VGLL4: variants seen among roughly 807,000 people sequenced by gnomAD.
VGLL4 encodes the protein vestigial like family member 4, also known as transcription cofactor vestigial-like protein 4.
A neutral mutation model predicts 21.0 loss-of-function variants in VGLL4; 7 were observed. The ratio of observed to expected loss-of-function variants is 0.33; its 90% CI spans 0.19 to 0.63. The LOEUF is 0.63. Among genes scored for constraint, VGLL4 ranks in the 20% least tolerant of loss-of-function variants. VGLL4 has a pLI of 0.78. For synonymous variants in VGLL4, 222 were observed against 173.2 expected, an observed-to-expected ratio of 1.28 and a Z score of -2.21; for missense variants, 394 against 425.7, an observed-to-expected ratio of 0.93 and a Z score of 0.66.
At chr3:11,585,620 A>ATT (rs1559880847) in intron 2 of VGLL4, among the ~76,000 whole-genome samples, 1 of 152,210 alleles carries the variant, frequency 6.6e-6, no homozygotes, top group Non-Finnish European at 1.5e-5. Context: ...AAGATACTGG[A>ATT]TTTTTTAAAA....
chr3:11,620,231 T>C (rs1389499762), intron 1 of VGLL4, among the ~76,000 whole-genome samples: 2 of 152,094 alleles, frequency 1.3e-5, no homozygotes, highest in African/African-American at 2.4e-5. Context: ...CAGCTAGAAA[T>C]AGGAAAGACT....
chr3:11,558,798 C>G lies in VGLL4; in HGVS notation c.649G>C (p.Glu217Gln). The stretch of plus-strand genomic sequence containing the variant: ...TTGCCCAGGCTCCTGCGGAAATGCT[C>G]CTCCACCACGGGGTCACAGGTGGTG... Reference protein sequence around the residue: ...AATTCDPVVEEHFRRSLGKNY... With the variant: ...AATTCDPVVEQHFRRSLGKNY... The change falls in exon 5 of 5, where the codon GAG becomes CAG. Residue 217 changes from glutamate to glutamine, a missense_variant. Glu to Gln is a conservative substitution (Grantham distance 29). Coordinates refer to ENST00000430365, the MANE Select transcript of VGLL4 (RefSeq NM_001128219.3). 1 of 1,613,622 alleles carries G rather than the reference C, an allele frequency of 6.2e-7. No homozygotes were observed. Among genetic ancestry groups the G allele is most frequent in the Non-Finnish European group, 8.5e-7 (1 of 1,179,786 alleles).
chr3:11,694,089 A>T (rs531239886), intron 2 of VGLL4, among the ~76,000 whole-genome samples: 1 of 152,194 alleles, frequency 6.6e-6, no homozygotes, highest in African/African-American at 2.4e-5. Context: ...AAATGGGACT[A>T]ATTATAGTAC....
chr3:11,716,589 T>C (rs576825934), intron 1 of VGLL4, among the ~76,000 whole-genome samples: 4 of 152,308 alleles, frequency 2.6e-5, no homozygotes, highest in African/African-American at 9.6e-5. Flanking sequence ...GGATCGACTA[T>C]ATCTGGCTAT....
At chr3:11,583,908 G>A (rs2074301369) in intron 2 of VGLL4, among the ~76,000 whole-genome samples, 1 of 152,226 alleles carries the variant, frequency 6.6e-6, no homozygotes, top group African/African-American at 2.4e-5. Flanking sequence ...GACTGACGAA[G>A]TGATGACACA....
At chr3:11,713,164 GCTAA>G (rs1307432449) in intron 1 of VGLL4, among the ~76,000 whole-genome samples, 3 of 152,190 alleles carry the variant, frequency 2.0e-5, no homozygotes, top group Non-Finnish European at 4.4e-5. Flanking sequence ...AGCTCCAACG[GCTAA>G]CTGTTAAGGT....
At position 11,635,050 on chromosome 3, in the gene VGLL4, TA is replaced by T. The variant is rs564440543; in HGVS notation, c.82+8386del. ...TCAGTATTGCATGGCATAAAGAGAC[TA>T]AGGTAAAGACTAAAAAAGACTGAAC... On this transcript the variant is annotated intron_variant, in intron 1 of 4. Coordinates refer to ENST00000430365, the MANE Select transcript of VGLL4 (RefSeq NM_001128219.3). Among the ~76,000 whole-genome samples the T allele has an allele frequency of 3.2e-3, 486 of 152,286 alleles. 2 individuals carry two copies. The highest frequency in any genetic ancestry group is 0.011 in the African/African-American group (469 of 41,560).
chr3:11,641,472 G>T lies in VGLL4; in HGVS notation c.82+1965C>A, dbSNP rs373984822. The stretch of plus-strand genomic sequence containing the variant: ...CCAACTTTTCCTACAAAAAAATCCC[G>T]TGTGTGATTTATGCCCATCTTCAAA... On this transcript the variant is annotated intron_variant, in intron 1 of 4. Transcript: ENST00000430365. 6.4e-4 allele frequency among the ~76,000 whole-genome samples: 98 copies of T among 152,144 alleles called. 1 individual carries two copies. The South Asian group carries it at 0.018, about 28-fold the overall frequency.
chr3:11,651,149 C>A (rs897549214), intron 2 of VGLL4, among the ~76,000 whole-genome samples: 1 of 151,960 alleles, frequency 6.6e-6, no homozygotes, highest in African/African-American at 2.4e-5. Flanking sequence ...TCGGGACCAG[C>A]CTGACTAACA....
In VGLL4 at chr3:11,564,809, C is replaced by A; in HGVS notation, c.483G>T (p.Gly161=). The A allele has an allele frequency of 6.4e-7, 1 of 1,565,748 alleles. No individual in the cohort carries two copies. Among genetic ancestry groups the A allele is most frequent in the Non-Finnish European group, 8.6e-7 (1 of 1,158,300 alleles). ...GACAGAGGCCCACCTGCTGCCGCTC[C>A]CCCGGGGTCAGTGTGGGCGAGAGGC... ...PAGLSPTLTP[G]ERQQNRPSVI... is the part of the protein sequence containing the mutation. The change falls in exon 3 of 5, where the codon GGG becomes GGT. Residue 161 remains glycine (G), a synonymous_variant. Transcript: ENST00000430365.
At chr3:11,679,690 A>G (rs1470942319) in intron 2 of VGLL4, among the ~76,000 whole-genome samples, 10 of 152,212 alleles carry the variant, frequency 6.6e-5, no homozygotes, top group Non-Finnish European at 1.5e-4. Context: ...CTCAAAAAAA[A>G]GAAGAAACAT....
At chr3:11,583,568 C>G (rs2074290455) in intron 2 of VGLL4, among the ~76,000 whole-genome samples, 1 of 152,178 alleles carries the variant, frequency 6.6e-6, no homozygotes, top group South Asian at 2.1e-4. Context: ...ATCAAATACT[C>G]TAAAAGCTCA....
At chr3:11,584,653 C>G (rs2074320451) in intron 2 of VGLL4, among the ~76,000 whole-genome samples, 1 of 152,056 alleles carries the variant, frequency 6.6e-6, no homozygotes, top group South Asian at 2.1e-4. Flanking sequence ...GTAAACAACC[C>G]AAATATCTGT....
rs77882368 is a variant in VGLL4 at position 11,596,641 on chromosome 3, C to T, written c.272+5192G>A. On this transcript the variant is annotated intron_variant, in intron 2 of 4. Coordinates refer to ENST00000430365, the MANE Select transcript of VGLL4 (RefSeq NM_001128219.3). ...CTAGAAACAGCACTGTTCAATAGAA[C>T]TTCTTGTGATGATAGAAATGTTCTG... Among the ~76,000 whole-genome samples the T allele has an allele frequency of 1.4e-3, 215 of 152,264 alleles. 3 individuals carry two copies. In the East Asian group the frequency reaches 0.034, roughly 24 times the overall value.
At position 11,557,755 on chromosome 3, in the gene VGLL4, A is replaced by G. The variant is rs1575334378; in HGVS notation, c.*801T>C. 1 of 152,872 alleles carries G rather than the reference A, an allele frequency of 6.5e-6. No homozygotes were observed. The highest frequency in any genetic ancestry group is 1.9e-4 in the East Asian group (1 of 5,258). The allele number at this position is 152,872 out of a possible 1,614,324, so 9.5% of individuals were successfully genotyped here. ...CCATTAAAACATGCATCACGTTTAA[A>G]GCACTATGGAATCCTCCAACCTCAG... On this transcript the variant is annotated 3_prime_UTR_variant, in exon 5 of 5. Transcript: ENST00000430365.
chr3:11,693,274 T>A (rs73813008), intron 2 of VGLL4: 8,745 of 155,736 alleles, frequency 0.056, 294 homozygotes, highest in Middle Eastern at 0.11. Flanking sequence ...AACAGTGATC[T>A]TTAAAATGAG....
chr3:11,586,030 T>C (rs2074354438), intron 2 of VGLL4, among the ~76,000 whole-genome samples: 1 of 152,066 alleles, frequency 6.6e-6, no homozygotes, highest in Non-Finnish European at 1.5e-5. Flanking sequence ...CCCTGCAAAG[T>C]GGGACAACTC....
intron 2 of VGLL4, among the ~76,000 whole-genome samples, chr3:11,674,316 C>T (rs548548280): frequency 6.6e-6 from 1 of 152,226 alleles, no homozygotes; most frequent in Admixed American, 6.5e-5. Context: ...TTCCCCAGAA[C>T]GAACGCGAAG....
intron 1 of VGLL4, among the ~76,000 whole-genome samples, chr3:11,630,515 G>T (rs930982388): frequency 6.6e-6 from 1 of 151,980 alleles, no homozygotes; most frequent in Non-Finnish European, 1.5e-5. Flanking sequence ...GCGTGGTGGC[G>T]GGCGCCTGTA....
Sources: allele counts gnomAD v4.1 joint callset (sites outside exome capture counted in the v4.1 genomes callset), GRCh38; gene constraint gnomAD v4.1.1; transcripts MANE v1.5; gene names NCBI Gene and HGNC (gene_info 2026-07-23, HGNC 2026-07-21).